The following NEO1 variants were observed in gnomAD, a reference collection of about 807,000 sequenced individuals.
NEO1 encodes the protein neogenin.
In NEO1, 63 loss-of-function variants were observed where a neutral mutation model predicts 159.7. The ratio of observed to expected loss-of-function variants is 0.39; its 90% CI spans 0.32 to 0.49. The LOEUF (loss-of-function observed/expected upper bound fraction) is 0.49, where lower values mean the gene tolerates loss of function less well. Among genes scored for constraint, NEO1 ranks in the 20% least tolerant of loss-of-function variants. The pLI is 0.85. For synonymous variants in NEO1, 633 were observed against 662.0 expected (o/e 0.96, Z 0.67); for missense variants, 1,615 against 1,831.0 (o/e 0.88, Z 2.15).
At chr15:73,057,799 G>T (rs1288410724) in intron 1 of NEO1, among the ~76,000 whole-genome samples, 2 of 151,908 alleles carry the variant, frequency 1.3e-5, no homozygotes, top group African/African-American at 4.8e-5. Context: ...AACTTGAAAT[G>T]TTTTCCTTTG....
At position 73,254,688 on chromosome 15, in the gene NEO1, A is replaced by G. The variant is rs2150961267; in HGVS notation, c.1951A>G (p.Met651Val). The G allele has an allele frequency of 6.2e-7, 1 of 1,612,670 alleles. No homozygotes were observed. Among genetic ancestry groups the G allele is most frequent in the Non-Finnish European group, 8.5e-7 (1 of 1,179,466 alleles). Residue 651 changes from methionine to valine, a missense_variant, in exon 13 of 29, where the codon ATG (methionine) becomes GTG (valine). Met to Val is a conservative substitution (Grantham distance 21, BLOSUM62 1). Coordinates refer to ENST00000261908, the MANE Select transcript of NEO1 (RefSeq NM_002499.4). ...ATAATTCTGTCTTGTGCAGAGTATT[A>G]TGATTCACTGGCAGCCACCTGCTCC... is the stretch of plus-strand genomic sequence containing the variant. ...SLEVRNSKSI[M>V]IHWQPPAPAT...
At chr15:73,150,683 G>A (rs929808127) in intron 5 of NEO1, among the ~76,000 whole-genome samples, 73 of 149,474 alleles carry the variant, frequency 4.9e-4, no homozygotes, top group African/African-American at 1.6e-3. Context: ...AATCTTAGAT[G>A]TGCTGTTTAT....
chr15:73,098,012 G>A (rs1260474271), intron 1 of NEO1, among the ~76,000 whole-genome samples: 2 of 151,746 alleles, frequency 1.3e-5, no homozygotes, highest in African/African-American at 4.8e-5. Context: ...TACATCTATA[G>A]TGTTTTTCTT....
intron 1 of NEO1, among the ~76,000 whole-genome samples, chr15:73,101,407 G>A (rs1311861008): frequency 2.6e-5 from 4 of 152,164 alleles, no homozygotes; most frequent in East Asian, 3.9e-4. Context: ...GCTCTCACGC[G>A]CACGCGTGCG....
chr15:73,100,145 A>G (rs993973382), intron 1 of NEO1, among the ~76,000 whole-genome samples: 3 of 152,080 alleles, frequency 2.0e-5, no homozygotes, highest in African/African-American at 7.2e-5. Flanking sequence ...TTCAAACACC[A>G]GCGTCTATAA....
Position 73,061,933 on chromosome 15 carries a change from A to G in NEO1, c.130+9128A>G, listed in dbSNP as rs1037414977. Among the ~76,000 whole-genome samples, 5 of 152,202 alleles carry G rather than the reference A, an allele frequency of 3.3e-5. No homozygotes were observed. The East Asian group carries it at 5.8e-4, about 18-fold the overall frequency. ...GGATATATCATAATTTATTTAACCA[A>G]TTTCTTTTTGATGCTCCCAAATTTT... On this transcript the variant is annotated intron_variant, in intron 1 of 28. Transcript: ENST00000261908.
intron 5 of NEO1, among the ~76,000 whole-genome samples, chr15:73,171,283 C>T (rs886694975): frequency 3.3e-5 from 5 of 152,178 alleles, no homozygotes; most frequent in Admixed American, 3.3e-4. Context: ...AACATAGAGG[C>T]CAGGCGTAGT....
At chr15:73,086,472 G>A (rs2069364381) in intron 1 of NEO1, among the ~76,000 whole-genome samples, 1 of 151,784 alleles carries the variant, frequency 6.6e-6, no homozygotes, top group East Asian at 1.9e-4. Flanking sequence ...TTGAGATTAT[G>A]ACTGGAATTG....
chr15:73,250,669 T>A (rs1320045412), intron 11 of NEO1, among the ~76,000 whole-genome samples: 1 of 152,150 alleles, frequency 6.6e-6, no homozygotes, highest in East Asian at 1.9e-4. Flanking sequence ...TTATTTTAAC[T>A]GACTTGGATT....
intron 5 of NEO1, among the ~76,000 whole-genome samples, 168 bp downstream of exon 5, chr15:73,136,195 A>G (rs764463361): frequency 6.6e-6 from 1 of 152,194 alleles, no homozygotes; most frequent in African/African-American, 2.4e-5. Context: ...TCCTAGATAT[A>G]TGACTATAGG....
At position 73,120,071 on chromosome 15, in the gene NEO1, T is replaced by G. The variant is rs568672190; in HGVS notation, c.449-2454T>G. On this transcript the variant is annotated intron_variant, in intron 2 of 28. Coordinates refer to ENST00000261908, the MANE Select transcript of NEO1 (RefSeq NM_002499.4). ...GAATTGTTTGAACCCTGGAGGCAGA[T>G]GTTGCAGTGAGCCAAGATTGTGCCA... 3.3e-3 allele frequency among the ~76,000 whole-genome samples: 508 copies of G among 152,116 alleles called. 4 individuals are homozygous for G. Among genetic ancestry groups the G allele is most frequent in the African/African-American group, 0.012 (483 of 41,510 alleles).
rs188710714 is a variant in NEO1, at chr15:73,053,747, G to C, written c.130+942G>C. ...CACTCAGCAGTTGAAAGGCAAATTA[G>C]CATGTAATCTGTTAAAATTATTTGA... On this transcript the variant is annotated intron_variant, in intron 1 of 28. Coordinates refer to ENST00000261908, the MANE Select transcript of NEO1 (RefSeq NM_002499.4). 3.7e-3 allele frequency among the ~76,000 whole-genome samples: 568 copies of C among 152,306 alleles called. 4 individuals are homozygous for C. The highest frequency in any genetic ancestry group is 0.013 in the African/African-American group (537 of 41,564).
At position 73,253,463 on chromosome 15, in the gene NEO1, A is replaced by G. The variant is rs1345357494; in HGVS notation, c.1944+14A>G. The G allele has an allele frequency of 6.3e-7, 1 of 1,588,682 alleles. No homozygotes were observed. Among genetic ancestry groups the G allele is most frequent in the African/African-American group, 1.3e-5 (1 of 74,398 alleles). On this transcript the variant is annotated intron_variant, in intron 12 of 28. Coordinates refer to ENST00000261908, the MANE Select transcript of NEO1 (RefSeq NM_002499.4). Reference sequence around the variant, plus strand: ...AGAAATTCAAAGGTAAAACTGTATGATGCTGCTGTTCATTTTTACTGGTAT... The same window carrying G: ...AGAAATTCAAAGGTAAAACTGTATGGTGCTGCTGTTCATTTTTACTGGTAT...
chr15:73,126,574 A>C lies in NEO1; in HGVS notation c.878+4A>C. ...AGGAGGCACTTGACACAGAAAGGTAAGTGTTGTCTGCCTAAAAGCCTTCTT... is the reference window on the plus strand; with the variant it reads ...AGGAGGCACTTGACACAGAAAGGTACGTGTTGTCTGCCTAAAAGCCTTCTT... On this transcript the variant is annotated splice_donor_region_variant and intron_variant, in intron 4 of 28. Transcript: ENST00000261908. 6.2e-7 allele frequency: 1 copy of C among 1,611,728 alleles called. No individual in the cohort carries two copies. Among genetic ancestry groups the C allele is most frequent in the Non-Finnish European group, 8.5e-7 (1 of 1,179,136 alleles).
intron 1 of NEO1, among the ~76,000 whole-genome samples, chr15:73,110,993 A>G (rs1213870086): frequency 1.3e-5 from 2 of 152,180 alleles, no homozygotes; most frequent in African/African-American, 2.4e-5. Flanking sequence ...TTACTGAAAA[A>G]AAAGATAAGA....
chr15:73,103,054 C>T (rs2070487328), intron 1 of NEO1, among the ~76,000 whole-genome samples: 1 of 152,170 alleles, frequency 6.6e-6, no homozygotes, highest in Admixed American at 6.5e-5. Context: ...ATTGATTCCA[C>T]TCTAAAAATT....
At chr15:73,300,440 C>T (rs1180502703) in intron 27 of NEO1, among the ~76,000 whole-genome samples, 1 of 152,070 alleles carries the variant, frequency 6.6e-6, no homozygotes, top group Admixed American at 6.6e-5. Flanking sequence ...TTATTTAAGA[C>T]AGCTGTTGGC....
chr15:73,052,558 C>A lies in NEO1; in HGVS notation c.-118C>A. 1.9e-6 allele frequency: 1 copy of A among 516,690 alleles called. No homozygotes were observed. The highest frequency in any genetic ancestry group is 2.7e-6 in the Non-Finnish European group (1 of 366,192). The allele number at this position is 516,690 out of a possible 1,614,324, so 32.0% of individuals were successfully genotyped here. On this transcript the variant is annotated 5_prime_UTR_variant, in exon 1 of 29. Transcript: ENST00000261908. ...CGGGCCGGGCCGGGCTGGGCTGGAG[C>A]AGCGGCGGCCGCGGGAGCCGAGCTT...
At chr15:73,206,944 C>G (rs2037272802) in intron 7 of NEO1, among the ~76,000 whole-genome samples, 1 of 152,040 alleles carries the variant, frequency 6.6e-6, no homozygotes. Context: ...GCTTTGAACT[C>G]CTGGGCTCAA....
Sources: allele counts gnomAD v4.1 joint callset (sites outside exome capture counted in the v4.1 genomes callset), GRCh38; gene constraint gnomAD v4.1.1; transcripts MANE v1.5; gene names NCBI Gene and HGNC (gene_info 2026-07-23, HGNC 2026-07-21).